The following UNC13C variants were observed in gnomAD, a reference collection of about 807,000 sequenced individuals.
UNC13C encodes protein unc-13 homolog C.
UNC13C carries 174 observed loss-of-function variants against 245.4 expected under a neutral mutation model. The observed-to-expected ratio is 0.71, with a 90% CI of 0.63 to 0.80. The LOEUF is 0.80. Among genes scored for constraint, UNC13C ranks in the 30% least tolerant of loss-of-function variants. UNC13C has a pLI of 0.00. For synonymous variants in UNC13C, 992 were observed against 895.1 expected (o/e 1.11, Z -1.93); for missense variants, 2,829 against 2,602.9 (o/e 1.09, Z -1.89).
intron 2 of UNC13C, chr15:54,048,471 G>C (rs1028028016): frequency 3.3e-6 from 2 of 607,804 alleles, no homozygotes; most frequent in African/African-American, 3.7e-5. Flanking sequence ...AGGCCAGCCT[G>C]AAGAAGTGCT....
chr15:54,082,962 A>G (rs1173509550), intron 2 of UNC13C, among the ~76,000 whole-genome samples: 3 of 152,026 alleles, frequency 2.0e-5, no homozygotes, highest in Non-Finnish European at 4.4e-5. Context: ...CCGGGTGTGG[A>G]GGTCTCAGGG....
intron 4 of UNC13C, among the ~76,000 whole-genome samples, chr15:54,145,388 A>G (rs1304370632): frequency 6.6e-6 from 1 of 152,108 alleles, no homozygotes; most frequent in East Asian, 1.9e-4. Flanking sequence ...TTTTATTTTG[A>G]TGTTTCCAAA....
chr15:54,369,363 G>T (rs1381703981), intron 17 of UNC13C, among the ~76,000 whole-genome samples: 1 of 152,010 alleles, frequency 6.6e-6, no homozygotes, highest in East Asian at 1.9e-4. Flanking sequence ...TTATTTACTT[G>T]CTGATTGCAA....
chr15:54,298,005 A>C, intron 12 of UNC13C, 79 bp downstream of exon 12: 1 of 1,043,118 alleles, frequency 9.6e-7, no homozygotes, highest in East Asian at 2.6e-5. Flanking sequence ...TATTTGGTTT[A>C]AAAATCATTG....
chr15:54,541,388 G>C (rs1017591770), intron 26 of UNC13C, among the ~76,000 whole-genome samples: 1 of 152,078 alleles, frequency 6.6e-6, no homozygotes, highest in Non-Finnish European at 1.5e-5. Context: ...TAGCATTATA[G>C]GGAGTCAATG....
At chr15:54,540,264 G>T (rs1019719961) in intron 26 of UNC13C, among the ~76,000 whole-genome samples, 1 of 152,008 alleles carries the variant, frequency 6.6e-6, no homozygotes, top group Admixed American at 6.6e-5. Context: ...TTTAAAGGTG[G>T]ATAAAGTTTA....
intron 2 of UNC13C, among the ~76,000 whole-genome samples, chr15:54,076,230 G>A (rs1379847421): frequency 6.0e-5 from 9 of 149,532 alleles, no homozygotes; most frequent in Non-Finnish European, 1.2e-4. Flanking sequence ...CTAGCATTAG[G>A]TATATCGCCC....
rs1467924578 is a variant in UNC13C at position 54,628,239 on chromosome 15, G to A, written c.*1126G>A. 1 of 152,088 alleles carries A rather than the reference G, an allele frequency of 6.6e-6. No individual in the cohort carries two copies. Among genetic ancestry groups the A allele is most frequent in the Non-Finnish European group, 1.5e-5 (1 of 68,012 alleles). The allele number at this position is 152,088 out of a possible 1,614,324, so 9.4% of individuals were successfully genotyped here. ...AATATAAAACAGTTTATGAATATGT[G>A]CATTTTCTGTATTGTTATGATTTGA... On this transcript the variant is annotated 3_prime_UTR_variant, in exon 33 of 33. Coordinates refer to ENST00000260323, the MANE Select transcript of UNC13C (RefSeq NM_001080534.3).
chr15:54,469,623 A>G (rs1892354723), intron 19 of UNC13C, among the ~76,000 whole-genome samples: 1 of 151,604 alleles, frequency 6.6e-6, no homozygotes, highest in Admixed American at 6.6e-5. Flanking sequence ...TGCCTAATAC[A>G]ATGCCAACAC....
chr15:54,553,230 T>C (rs1243528015), intron 28 of UNC13C, among the ~76,000 whole-genome samples: 1 of 116,824 alleles, frequency 8.6e-6, no homozygotes, highest in East Asian at 2.5e-4. Flanking sequence ...TTATATATTG[T>C]ATTCTATATT....
At chr15:54,290,012 C>G (rs1055357719) in intron 10 of UNC13C, among the ~76,000 whole-genome samples, 1 of 152,068 alleles carries the variant, frequency 6.6e-6, no homozygotes, top group Non-Finnish European at 1.5e-5. Context: ...GGCTGGGCAT[C>G]CATACATATG....
At chr15:53,861,167 A>T in the UNC13C span, among the ~76,000 whole-genome samples, 1 of 152,164 alleles carries the variant, frequency 6.6e-6, no homozygotes, top group Non-Finnish European at 1.5e-5. Context: ...AAATAAATTT[A>T]TGTCAATGAC....
At chr15:54,041,417 C>G (rs534712944) in intron 2 of UNC13C, among the ~76,000 whole-genome samples, 1 of 151,926 alleles carries the variant, frequency 6.6e-6, no homozygotes, top group Non-Finnish European at 1.5e-5. Flanking sequence ...AGAATAAATG[C>G]GTAGAAGTCA....
At chr15:54,194,714 G>A (rs1023988014) in intron 4 of UNC13C, among the ~76,000 whole-genome samples, 11 of 152,022 alleles carry the variant, frequency 7.2e-5, no homozygotes, top group Admixed American at 7.2e-4. Context: ...AAATGGAGGG[G>A]GATACCACTA....
At chr15:53,875,087 G>A in the UNC13C span, among the ~76,000 whole-genome samples, 20 of 145,776 alleles carry the variant, frequency 1.4e-4, no homozygotes, top group East Asian at 7.9e-4. Flanking sequence ...GTGAGACTCC[G>A]TCTCAAAATT....
chr15:54,493,590 G>A (rs1057276710), intron 19 of UNC13C, among the ~76,000 whole-genome samples: 1 of 152,056 alleles, frequency 6.6e-6, no homozygotes, highest in South Asian at 2.1e-4. Flanking sequence ...TTCAAATAGT[G>A]TTTTAAGAAT....
At chr15:54,485,759 T>A (rs1211864513) in intron 19 of UNC13C, among the ~76,000 whole-genome samples, 1 of 152,166 alleles carries the variant, frequency 6.6e-6, no homozygotes, top group Non-Finnish European at 1.5e-5. Context: ...CCTCCTTGCA[T>A]CTCTTTGAGC....
At chr15:54,285,763 T>C (rs963752499) in intron 10 of UNC13C, among the ~76,000 whole-genome samples, 14 of 152,072 alleles carry the variant, frequency 9.2e-5, no homozygotes, top group African/African-American at 3.4e-4. Context: ...TTTCACAAAT[T>C]CTATCACCTA....
chr15:54,377,085 G>A (rs887998317), intron 17 of UNC13C, among the ~76,000 whole-genome samples: 1 of 152,148 alleles, frequency 6.6e-6, no homozygotes, highest in Non-Finnish European at 1.5e-5. Context: ...CCTAGCAGCC[G>A]TCAGGTGCTA....
Sources: gnomAD v4.1 joint callset for allele counts (sites outside exome capture counted in the v4.1 genomes callset) on GRCh38, gnomAD v4.1.1 for gene constraint, MANE v1.5 for transcripts, NCBI Gene and HGNC (gene_info 2026-07-23, HGNC 2026-07-21) for gene names.